GAK: variants seen among roughly 807,000 people sequenced by gnomAD.
The protein encoded by GAK is cyclin G associated kinase.
A neutral mutation model predicts 143.9 loss-of-function variants in GAK; 79 were observed. That is an observed-to-expected ratio of 0.55 (90% CI 0.46 to 0.66). The LOEUF (loss-of-function observed/expected upper bound fraction) is 0.66. GAK is among the 30% of genes least tolerant of loss of function. GAK has a pLI of 0.00. For missense variants in GAK, 1,693 were observed against 1,779.7 expected (o/e 0.95, Z 0.88); for synonymous variants, 881 against 765.5 (o/e 1.15, Z -2.49).
chr4:853,933 G>T (rs1748668612), intron 24 of GAK: 1 of 152,230 alleles, frequency 6.6e-6, no homozygotes, highest in South Asian at 2.1e-4. Flanking sequence ...GAGTAGCTGG[G>T]ATTACAGGCC....
chr4:903,538 G>A (rs1391791443), intron 5 of GAK, among the ~76,000 whole-genome samples: 2 of 148,952 alleles, frequency 1.3e-5, no homozygotes, highest in Admixed American at 6.7e-5. Flanking sequence ...CCAAGGAAGG[G>A]GCACTGGGTG....
At chr4:901,292 TC>T (rs1002062802) in intron 5 of GAK, among the ~76,000 whole-genome samples, 1 of 146,808 alleles carries the variant, frequency 6.8e-6, no homozygotes, top group Non-Finnish European at 1.5e-5. Context: ...CGGCCTTGGA[TC>T]CCCCACCCAG....
chr4:854,394 G>C (rs1748764618), intron 24 of GAK, among the ~76,000 whole-genome samples: 2 of 152,196 alleles, frequency 1.3e-5, no homozygotes, highest in South Asian at 4.1e-4. Flanking sequence ...GATGCTCAGA[G>C]CTCTGAAGTT....
intron 23 of GAK, among the ~76,000 whole-genome samples, chr4:863,722 T>C (rs946937131): frequency 6.6e-6 from 1 of 152,208 alleles, no homozygotes; most frequent in African/African-American, 2.4e-5. Flanking sequence ...CATAATGCTA[T>C]TGCACGCTTA....
At position 908,710 on chromosome 4, in the gene GAK, C is replaced by T. The variant is rs146714164; in HGVS notation, c.382+2963G>A. Among the ~76,000 whole-genome samples, 3 of 152,266 alleles carry T rather than the reference C, an allele frequency of 2.0e-5. No homozygotes were observed. The East Asian group carries it at 5.8e-4, about 29-fold the overall frequency. ...GGCTAAGGCGGGAGGACTGCTTGAG[C>T]CCAGGAGTTTGAAGCTACAGTGAGC... On this transcript the variant is annotated intron_variant, in intron 4 of 27. Transcript: ENST00000314167.
intron 15 of GAK, 21 bp downstream of exon 15, chr4:881,886 C>T: frequency 1.3e-6 from 2 of 1,560,148 alleles, no homozygotes; most frequent in African/African-American, 1.4e-5. Flanking sequence ...TGTCCCCTGT[C>T]CCCGGAGGGC....
chr4:916,615 T>C (rs1723125820), intron 1 of GAK, among the ~76,000 whole-genome samples: 1 of 152,096 alleles, frequency 6.6e-6, no homozygotes, highest in Non-Finnish European at 1.5e-5. Context: ...CCACTGCCCA[T>C]TAGAGAAATG....
At position 849,402 on chromosome 4, in the gene GAK, C is replaced by G; in HGVS notation, c.*271G>C. 1 of 513,554 alleles carries G rather than the reference C, an allele frequency of 1.9e-6. No homozygotes were observed. The highest frequency in any genetic ancestry group is 3.2e-5 in the Admixed American group (1 of 31,160). 31.8% of individuals were successfully genotyped at this position (513,554 alleles called of 1,614,324 possible). On this transcript the variant is annotated 3_prime_UTR_variant, in exon 28 of 28. Transcript: ENST00000314167. ...ACGTGCCGGGGCTCCAGAGGCCACG[C>G]CCGAAACACCAAATAAATCACAGAC...
intron 5 of GAK, among the ~76,000 whole-genome samples, chr4:901,529 T>C (rs1378937513): frequency 2.0e-5 from 3 of 152,236 alleles, no homozygotes; most frequent in African/African-American, 2.4e-5. Context: ...CATGAGCTGA[T>C]GCACGGGGTG....
At position 851,738 on chromosome 4, in the gene GAK, T is replaced by TTGGGG; in HGVS notation, c.3508+11_3508+12insCCCCA. ...CTGCAAACTCCACAGCAACAGAGAG[T>TTGGGG]GGGGGACTCACCAAAGCTGGGTGCG... is the stretch of plus-strand genomic sequence containing the variant. On this transcript the variant is annotated intron_variant, in intron 25 of 27. Coordinates refer to ENST00000314167, the MANE Select transcript of GAK (RefSeq NM_005255.4). The TTGGGG allele has an allele frequency of 6.2e-7, 1 of 1,610,968 alleles. No individual in the cohort carries two copies. Among genetic ancestry groups the TTGGGG allele is most frequent in the Non-Finnish European group, 8.5e-7 (1 of 1,178,436 alleles).
Position 899,298 on chromosome 4 carries a change from C to T in GAK, c.526-1140G>A, listed in dbSNP as rs555267687. ...TCTTCAACAAGACAGACAGCACAGA[C>T]GTGGCAGGATGGCCAGCACAGGCAT... On this transcript the variant is annotated intron_variant, in intron 5 of 27. Transcript: ENST00000314167. 2.8e-4 allele frequency among the ~76,000 whole-genome samples: 43 copies of T among 152,348 alleles called. 1 individual carries two copies. Among genetic ancestry groups the T allele is most frequent in the Admixed American group, 2.4e-3 (37 of 15,294 alleles).
Position 850,040 on chromosome 4 carries a change from C to T in GAK, c.3686G>A (p.Arg1229Gln), listed in dbSNP as rs375044978. Residue 1229 changes from arginine to glutamine, a missense_variant, in exon 27 of 28, where the codon CGG (arginine) becomes CAG (glutamine). Arg to Gln is a conservative substitution (Grantham distance 43, BLOSUM62 1). Around this residue, in one of 2 missense-constraint regions of GAK, gnomAD observed 822 missense variants for 788.7 expected, o/e 1.04. Coordinates refer to ENST00000314167, the MANE Select transcript of GAK (RefSeq NM_005255.4). ...CGTGGACAGCAGGGCCCGGATGTTC[C>T]GCTCCTTGCCCTCAATCCAGTCCAG... is the stretch of plus-strand genomic sequence containing the variant. ...KLLDWIEGKE[R>Q]NIRALLSTLH... The T allele has an allele frequency of 2.5e-5, 40 of 1,595,528 alleles. No homozygotes were observed. Among genetic ancestry groups the T allele is most frequent in the Admixed American group, 1.4e-4 (8 of 59,238 alleles).
chr4:910,232 C>T (rs1698185546), intron 4 of GAK, among the ~76,000 whole-genome samples: 1 of 152,156 alleles, frequency 6.6e-6, no homozygotes, highest in African/African-American at 2.4e-5. Flanking sequence ...CACAGTCCAC[C>T]CTCCCTCACT....
At chr4:904,836 C>A in intron 4 of GAK, 57 bp from the exon 5 acceptor site, 2 of 1,570,148 alleles carry the variant, frequency 1.3e-6, no homozygotes, top group Non-Finnish European at 1.7e-6. Flanking sequence ...AGACAGGGAA[C>A]CTAGGGCTGT....
At chr4:902,596 C>CAAAA (rs768017849) in intron 5 of GAK, among the ~76,000 whole-genome samples, 2 of 60,728 alleles carry the variant, frequency 3.3e-5, no homozygotes, top group Non-Finnish European at 5.5e-5. Flanking sequence ...GTGACTGACT[C>CAAAA]AAAAAAAAAA....
At chr4:912,198 G>A in intron 3 of GAK, 2 of 454,950 alleles carry the variant, frequency 4.4e-6, no homozygotes, top group South Asian at 3.1e-5. Context: ...GAGAGGCAGA[G>A]TCTGAGGGCA....
intron 9 of GAK, 104 bp from the exon 10 acceptor site, chr4:890,726 GC>G: frequency 1.1e-6 from 1 of 870,944 alleles, no homozygotes; most frequent in East Asian, 2.7e-5. Flanking sequence ...CCATCCTTCT[GC>G]CCCCTGATCT....
At position 909,568 on chromosome 4, in the gene GAK, C is replaced by T. The variant is rs568215479; in HGVS notation, c.382+2105G>A. Among the ~76,000 whole-genome samples the T allele has an allele frequency of 5.9e-5, 9 of 152,104 alleles. No homozygotes were observed. The South Asian group carries it at 1.4e-3, about 24-fold the overall frequency. ...AGACAGGGACGGGAAGGGCCCAGCA[C>T]GGACCACACAGCACAGCCTCACCAA... On this transcript the variant is annotated intron_variant, in intron 4 of 27. Coordinates refer to ENST00000314167, the MANE Select transcript of GAK (RefSeq NM_005255.4).
Position 849,840 on chromosome 4 carries a change from C to CA in GAK, c.3834+51_3834+52insT, listed in dbSNP as rs1450017994. 17 of 1,162,996 alleles carry CA rather than the reference C, an allele frequency of 1.5e-5. No homozygotes were observed. In the East Asian group the frequency reaches 2.5e-4, roughly 17 times the overall value. The allele number at this position is 1,162,996 out of a possible 1,614,324, so 72.0% of individuals were successfully genotyped here. ...CGGGGGCGGGCGGGGCAGGACCCCC[C>CA]CCCCGCCCCGCCCCTGAAGGCCTCA... On this transcript the variant is annotated intron_variant, in intron 27 of 27. Coordinates refer to ENST00000314167, the MANE Select transcript of GAK (RefSeq NM_005255.4).
Sources: gnomAD v4.1 joint callset for allele counts (sites outside exome capture counted in the v4.1 genomes callset) on GRCh38, gnomAD v4.1.1 for gene constraint, gnomAD v4.1.1 regional missense constraint, MANE v1.5 for transcripts, NCBI Gene and HGNC (gene_info 2026-07-23, HGNC 2026-07-21) for gene names.